Variants in ATG2A observed in about 807,000 individuals in gnomAD.
ATG2A encodes autophagy related 2A.
Under a neutral mutation model 214.2 loss-of-function variants are expected in ATG2A, and 103 were observed. The ratio of observed to expected loss-of-function variants is 0.48; its 90% CI spans 0.41 to 0.57. The LOEUF (loss-of-function observed/expected upper bound fraction) is 0.57, where lower values mean the gene tolerates loss of function less well. Ranked by LOEUF, ATG2A falls within the 20% of genes least tolerant of loss-of-function variation. The pLI is 0.00. For missense variants in ATG2A, 2,312 were observed against 2,613.2 expected, an observed-to-expected ratio of 0.88 and a Z score of 2.51; for synonymous variants, 1,160 against 1,142.1, an observed-to-expected ratio of 1.02 and a Z score of -0.32.
At chr11:64,897,557 A>T in intron 36 of ATG2A, 63 bp from the exon 37 acceptor site, 1 of 1,599,682 alleles carries the variant, frequency 6.3e-7, no homozygotes, top group Non-Finnish European at 8.5e-7. Context: ...AGCCCATGGG[A>T]GCCACTGGAG....
At chr11:64,897,530 G>T in intron 36 of ATG2A, 36 bp from the exon 37 acceptor site, 1 of 1,590,248 alleles carries the variant, frequency 6.3e-7, no homozygotes, top group South Asian at 1.1e-5. Context: ...TACCCAATGG[G>T]ACTCAGGGAG....
chr11:64,916,060 C>A lies in ATG2A; in HGVS notation c.171+905G>T, dbSNP rs116021634. ...AAACTGAGAAGTCCCTGCCTCCATGCCCACCCCTGCTGCTCTGGACCTGGT... is the reference window on the plus strand; with the variant it reads ...AAACTGAGAAGTCCCTGCCTCCATGACCACCCCTGCTGCTCTGGACCTGGT... On this transcript the variant is annotated intron_variant, in intron 1 of 40. Transcript: ENST00000377264. Among the ~76,000 whole-genome samples, 255 of 152,288 alleles carry A rather than the reference C, an allele frequency of 1.7e-3. 6 individuals are homozygous for A. In the South Asian group the frequency reaches 0.052, roughly 31 times the overall value.
In ATG2A at chr11:64,896,770, G is replaced by A. The variant is rs1944167508; in HGVS notation, c.5250C>T (p.Pro1750=). ...QLPGLLGGVG[P]MHSVVQLFQG... ...CACAGAGCTGGACAACCGAGTGCATGGGGCCCACGCCTCCCAGCAGGCCGG... is the reference window on the plus strand; with the variant it reads ...CACAGAGCTGGACAACCGAGTGCATAGGGCCCACGCCTCCCAGCAGGCCGG... Residue 1750 remains proline, a synonymous_variant, in exon 38 of 41, where the codon CCC becomes CCT. Coordinates refer to ENST00000377264, the MANE Select transcript of ATG2A (RefSeq NM_015104.3). 6.2e-7 allele frequency: 1 copy of A among 1,614,122 alleles called. No individual in the cohort carries two copies. Among genetic ancestry groups the A allele is most frequent in the African/African-American group, 1.3e-5 (1 of 74,940 alleles).
At chr11:64,916,906 C>T (rs1450344579) in intron 1 of ATG2A, 59 bp downstream of exon 1, 1 of 1,595,136 alleles carries the variant, frequency 6.3e-7, no homozygotes, top group Non-Finnish European at 8.5e-7. Flanking sequence ...CCGCAGGGAG[C>T]CTCAGGTCGC....
In ATG2A at chr11:64,902,355, C is replaced by T; in HGVS notation, c.3809G>A (p.Cys1270Tyr). 1 of 1,600,156 alleles carries T rather than the reference C, an allele frequency of 6.2e-7. No homozygotes were observed. The highest frequency in any genetic ancestry group is 1.7e-5 in the Admixed American group (1 of 58,396). The change falls in exon 28 of 41, where the codon TGC (cysteine) becomes TAC (tyrosine). Residue 1270 changes from cysteine to tyrosine, a missense_variant. Physicochemically the swap from Cys to Tyr is radical, Grantham distance 194. Coordinates refer to ENST00000377264, the MANE Select transcript of ATG2A (RefSeq NM_015104.3). ...GATGAGGGCCGTCTCCACTGGGGGG[C>T]ACGAGGGCAGAGAGGCAGGACTCTC... ...LSESPASLPS[C>Y]PPVETALINQ...
intron 1 of ATG2A, among the ~76,000 whole-genome samples, chr11:64,915,118 T>G (rs1944927502): frequency 7.1e-6 from 1 of 141,666 alleles, no homozygotes; most frequent in African/African-American, 2.7e-5. Flanking sequence ...GGGGCTGACC[T>G]AATGCCAGAT....
At position 64,907,507 on chromosome 11, in the gene ATG2A, C is replaced by A. The variant is rs761849465; in HGVS notation, c.2647+18G>T. On this transcript the variant is annotated intron_variant, in intron 18 of 40. Transcript: ENST00000377264. ...CCTGGGGGTCCTCCCTCTAGCCCAGCGTTAGCACCTCTCATACCCAGCTTG... is the reference window on the plus strand; with the variant it reads ...CCTGGGGGTCCTCCCTCTAGCCCAGAGTTAGCACCTCTCATACCCAGCTTG... 6.2e-7 allele frequency: 1 copy of A among 1,612,414 alleles called. No individual in the cohort carries two copies. The highest frequency in any genetic ancestry group is 1.1e-5 in the South Asian group (1 of 90,786).
intron 29 of ATG2A, 29 bp from the exon 30 acceptor site, chr11:64,901,121 A>C: frequency 6.5e-7 from 1 of 1,546,782 alleles, no homozygotes; most frequent in Admixed American, 2.0e-5. Context: ...GACGTGTGAC[A>C]CAGATGTTCG....
intron 24 of ATG2A, among the ~76,000 whole-genome samples, chr11:64,904,569 C>A (rs1217994234): frequency 6.6e-6 from 1 of 151,866 alleles, no homozygotes; most frequent in Non-Finnish European, 1.5e-5. Flanking sequence ...ATAAAAAAGT[C>A]TTTATTTTAA....
Position 64,917,209 on chromosome 11 carries a change from T to A in ATG2A, c.-74A>T. ...ATCCCCGTCCGGCTCCGCTGTTCAC[T>A]AGAGCCCCCGGCTCGCCCCGCCGCT... On this transcript the variant is annotated 5_prime_UTR_variant, in exon 1 of 41. Coordinates refer to ENST00000377264, the MANE Select transcript of ATG2A (RefSeq NM_015104.3). 1.4e-6 allele frequency: 2 copies of A among 1,430,300 alleles called. No individual in the cohort carries two copies. Among genetic ancestry groups the A allele is most frequent in the Admixed American group, 2.4e-5 (1 of 41,564 alleles). 88.6% of individuals were successfully genotyped at this position (1,430,300 alleles called of 1,614,324 possible).
At chr11:64,900,842 C>A (rs753144245) in intron 30 of ATG2A, 42 bp downstream of exon 30, 1 of 1,540,188 alleles carries the variant, frequency 6.5e-7, no homozygotes, top group African/African-American at 1.4e-5. Flanking sequence ...CAGCCTGAGC[C>A]CCAACCTTCA....
Position 64,911,290 on chromosome 11 carries a change from G to T in ATG2A, c.1229-15C>A. 2 of 1,610,896 alleles carry T rather than the reference G, an allele frequency of 1.2e-6. No homozygotes were observed. The highest frequency in any genetic ancestry group is 1.3e-5 in the African/African-American group (1 of 75,028). ...GGCCATCTTGCCTGAGGGGACAGAG[G>T]CTTCAGCAGGGGCTCCCAACAGATT... On this transcript the variant is annotated splice_polypyrimidine_tract_variant and intron_variant, in intron 9 of 40. Coordinates refer to ENST00000377264, the MANE Select transcript of ATG2A (RefSeq NM_015104.3).
chr11:64,903,209 G>C lies in ATG2A; in HGVS notation c.3612+79C>G. 7.3e-7 allele frequency: 1 copy of C among 1,372,702 alleles called. No individual in the cohort carries two copies. Among genetic ancestry groups the C allele is most frequent in the Non-Finnish European group, 1.0e-6 (1 of 969,486 alleles). The allele number at this position is 1,372,702 out of a possible 1,614,324, so 85.0% of individuals were successfully genotyped here. A position where few individuals can be genotyped will look rare whatever the true frequency, so the allele number is the denominator to read the frequency against. On this transcript the variant is annotated intron_variant, in intron 26 of 40. Transcript: ENST00000377264. This position sits in a 1 kb window ranked among gnomAD's most constrained non-coding sequence, Gnocchi z 4.2. The stretch of plus-strand genomic sequence containing the variant: ...CTGTGTCCGGAGCCCAGGCACGTGA[G>C]GGAGCAGCAGCCCCTGAAGACTCCC...
chr11:64,896,315 C>A, intron 39 of ATG2A, 147 bp downstream of exon 39: 1 of 1,256,332 alleles, frequency 8.0e-7, no homozygotes, highest in Non-Finnish European at 1.1e-6. Context: ...GTCACTTAGC[C>A]TCTCCGTGGC....
At position 64,917,093 on chromosome 11, in the gene ATG2A, G is replaced by C; in HGVS notation, c.43C>G (p.Arg15Gly). The C allele has an allele frequency of 6.2e-7, 1 of 1,613,122 alleles. No individual in the cohort carries two copies. Among genetic ancestry groups the C allele is most frequent in the Non-Finnish European group, 8.5e-7 (1 of 1,179,904 alleles). The change falls in exon 1 of 41, where the codon CGG becomes GGG. Residue 15 changes from arginine (R) to glycine (G), a missense_variant. Transcript: ENST00000377264. ...TGGTGCAGCAAGTAGCGGCAGACCCGCTCTTTCACACAGTTTGACCATGGC... is the reference window on the plus strand; with the variant it reads ...TGGTGCAGCAAGTAGCGGCAGACCCCCTCTTTCACACAGTTTGACCATGGC... ...LWPWSNCVKE[R>G]VCRYLLHHYL... is the part of the protein sequence containing the mutation.
At position 64,907,522 on chromosome 11, in the gene ATG2A, T is replaced by G; in HGVS notation, c.2647+3A>C. 1 of 1,609,066 alleles carries G rather than the reference T, an allele frequency of 6.2e-7. No individual in the cohort carries two copies. Among genetic ancestry groups the G allele is most frequent in the Non-Finnish European group, 8.5e-7 (1 of 1,177,928 alleles). On this transcript the variant is annotated splice_donor_region_variant and intron_variant, in intron 18 of 40. Transcript: ENST00000377264. ...TCTAGCCCAGCGTTAGCACCTCTCATACCCAGCTTGAAGGCTGACTTGCAC... is the reference window on the plus strand; with the variant it reads ...TCTAGCCCAGCGTTAGCACCTCTCAGACCCAGCTTGAAGGCTGACTTGCAC...
rs1944858429 is a variant in ATG2A, at chr11:64,913,462, C to T, written c.591-61G>A. ...CCCAGGCCTGGAGCCCCTCTCTCCA[C>T]ACAGTGCTCTGCTCTAGGGGCACGG... On this transcript the variant is annotated intron_variant, in intron 4 of 40. Transcript: ENST00000377264. The surrounding 1 kb of genome is among the most constrained non-coding windows in gnomAD (Gnocchi z 4.3). The T allele has an allele frequency of 6.7e-7, 1 of 1,495,904 alleles. No homozygotes were observed. The highest frequency in any genetic ancestry group is 1.3e-5 in the South Asian group (1 of 75,678). The allele number at this position is 1,495,904 out of a possible 1,614,324, so 92.7% of individuals were successfully genotyped here. A position where few individuals can be genotyped will look rare whatever the true frequency, so the allele number is the denominator to read the frequency against.
At position 64,902,169 on chromosome 11, in the gene ATG2A, G is replaced by T; in HGVS notation, c.3912C>A (p.His1304Gln). ...LRELAQPSGG[H>Q]LPQASPISVY... The stretch of plus-strand genomic sequence containing the variant: ...CGGAGATGGGCGACGCCTGAGGGAG[G>T]TGGCCACCTATAGGAGAGAGGCCAG... The change falls in exon 29 of 41, where the codon CAC (histidine) becomes CAA (glutamine). Residue 1304 changes from histidine to glutamine, a missense_variant. His to Gln is a conservative substitution (Grantham distance 24). Transcript: ENST00000377264. 6.2e-7 allele frequency: 1 copy of T among 1,613,056 alleles called. No individual in the cohort carries two copies. The highest frequency in any genetic ancestry group is 8.5e-7 in the Non-Finnish European group (1 of 1,179,994).
chr11:64,902,119 C>T lies in ATG2A; in HGVS notation c.3962G>A (p.Ser1321Asn), dbSNP rs1443864415. 1.5e-5 allele frequency: 24 copies of T among 1,613,686 alleles called. No homozygotes were observed. Among genetic ancestry groups the T allele is most frequent in the Non-Finnish European group, 1.9e-5 (22 of 1,179,992 alleles). ...AGGTGGTGAAGGGGGTGGGGCCCCACTCCGTTCACCTGGGAATAGGTAGAC... is the reference window on the plus strand; with the variant it reads ...AGGTGGTGAAGGGGGTGGGGCCCCATTCCGTTCACCTGGGAATAGGTAGAC... ...ISVYLFPGERSGAPPPSPPVG... is the reference protein window; with the variant it reads ...ISVYLFPGERNGAPPPSPPVG... Residue 1321 changes from serine (S) to asparagine (N), a missense_variant, in exon 29 of 41, where the codon AGT becomes AAT. Transcript: ENST00000377264.
Sources: gnomAD v4.1 joint callset for allele counts (sites outside exome capture counted in the v4.1 genomes callset) on GRCh38, gnomAD v4.1.1 for gene constraint, Gnocchi (gnomAD v3.1) non-coding constraint, MANE v1.5 for transcripts, NCBI Gene and HGNC (gene_info 2026-07-23, HGNC 2026-07-21) for gene names.